Variants in NUP107 observed in about 807,000 individuals in gnomAD.
The protein encoded by NUP107 is nuclear pore complex protein Nup107.
A neutral mutation model predicts 141.0 loss-of-function variants in NUP107; 101 were observed. The observed-to-expected ratio is 0.72, with a 90% confidence interval of 0.61 to 0.84. The LOEUF (loss-of-function observed/expected upper bound fraction) is 0.84, where lower values mean the gene tolerates loss of function less well. NUP107 is among the 40% of genes least tolerant of loss of function. The pLI is 0.00. For missense variants in NUP107, 941 were observed against 1,102.7 expected (o/e 0.85, Z 2.08); for synonymous variants, 319 against 363.9 (o/e 0.88, Z 1.41).
At chr12:68,721,717 A>T (rs1034483234) in intron 15 of NUP107, 124 bp from the exon 16 acceptor site, 5 of 959,246 alleles carry the variant, frequency 5.2e-6, no homozygotes, top group African/African-American at 1.6e-5. Context: ...TAATTTTTTT[A>T]AAATCTGCCG....
At position 68,738,967 on chromosome 12, in the gene NUP107, C is replaced by CTT. The variant is rs147874650; in HGVS notation, c.2503-2837_2503-2836dup. 2.8e-4 allele frequency among the ~76,000 whole-genome samples: 42 copies of CTT among 149,800 alleles called. 1 individual carries two copies. Among genetic ancestry groups the CTT allele is most frequent in the Admixed American group, 2.2e-3 (33 of 14,982 alleles). On this transcript the variant is annotated intron_variant, in intron 26 of 27. Coordinates refer to ENST00000229179, the MANE Select transcript of NUP107 (RefSeq NM_020401.4). ...AGAGTATACATACTTTTGTTTTGTT[C>CTT]TTTTTTTTTTAAACTAACCCCCTAA...
intron 8 of NUP107, chr12:68,706,589 G>A (rs1876592619): frequency 1.4e-6 from 1 of 692,256 alleles, no homozygotes; most frequent in East Asian, 2.7e-5. Flanking sequence ...TCCAGGATGA[G>A]ATTGAGGGCC....
chr12:68,712,630 G>T lies in NUP107; in HGVS notation c.891-1100G>T, dbSNP rs373518771. ...TTTCAGAAAATAAGTTTTTTTTTTT[G>T]TTTTTTGTTTTTTGTTTTTTTTTTT... On this transcript the variant is annotated intron_variant, in intron 10 of 27. Transcript: ENST00000229179. Among the ~76,000 whole-genome samples the T allele has an allele frequency of 5.1e-3, 713 of 139,472 alleles. 4 individuals carry two copies. The highest frequency in any genetic ancestry group is 7.3e-3 in the Non-Finnish European group (467 of 63,918). 91.5% of individuals were successfully genotyped at this position (139,472 alleles called of 152,430 possible). A position where few individuals can be genotyped will look rare whatever the true frequency, so the allele number is the denominator to read the frequency against.
At chr12:68,731,520 C>A (rs1877826799) in intron 21 of NUP107, 87 bp from the exon 22 acceptor site, 2 of 709,390 alleles carry the variant, frequency 2.8e-6, no homozygotes, top group Non-Finnish European at 4.3e-6. Flanking sequence ...ATTACTGTTC[C>A]AAATTTACTG....
rs2136049072 is a variant in NUP107 at position 68,735,356 on chromosome 12, G to A, written c.2502+12G>A. 1 of 1,598,212 alleles carries A rather than the reference G, an allele frequency of 6.3e-7. No homozygotes were observed. The highest frequency in any genetic ancestry group is 1.3e-5 in the African/African-American group (1 of 74,658). ...TGGATGTTAGAGAGGTAAGCTGTGT[G>A]CATTGTTTATAGCCAAAAACCAAAA... is the stretch of plus-strand genomic sequence containing the variant. On this transcript the variant is annotated intron_variant, in intron 26 of 27. Transcript: ENST00000229179.
At chr12:68,730,634 C>G (rs1877781266) in intron 20 of NUP107, among the ~76,000 whole-genome samples, 1 of 152,186 alleles carries the variant, frequency 6.6e-6, no homozygotes, top group Admixed American at 6.5e-5. Context: ...CAAACCTGTG[C>G]AGTTTAAGAG....
intron 12 of NUP107, among the ~76,000 whole-genome samples, chr12:68,716,241 C>T (rs57966403): frequency 0.3 from 34,881 of 116,238 alleles, 6,601 homozygotes; most frequent in Middle Eastern, 0.38. Context: ...TTCTTTCTTT[C>T]TTTCTTTTTT....
chr12:68,720,990 C>T lies in NUP107; in HGVS notation c.1252-128C>T, dbSNP rs886873368. The T allele has an allele frequency of 1.3e-5, 7 of 526,224 alleles. No homozygotes were observed. The East Asian group carries it at 2.2e-4, about 17-fold the overall frequency. The allele number at this position is 526,224 out of a possible 1,614,324, so 32.6% of individuals were successfully genotyped here. On this transcript the variant is annotated intron_variant, in intron 14 of 27. Coordinates refer to ENST00000229179, the MANE Select transcript of NUP107 (RefSeq NM_020401.4). ...TGTTATTACCCCACTAGATCTTTCACTAAAGTTTAAAAACTATCAAGTGAA... is the reference window on the plus strand; with the variant it reads ...TGTTATTACCCCACTAGATCTTTCATTAAAGTTTAAAAACTATCAAGTGAA...
intron 6 of NUP107, among the ~76,000 whole-genome samples, chr12:68,699,747 A>G (rs1453044805): frequency 6.6e-6 from 1 of 152,190 alleles, no homozygotes; most frequent in Non-Finnish European, 1.5e-5. Flanking sequence ...TCTTGACAAG[A>G]TAATGAGGTA....
intron 17 of NUP107, among the ~76,000 whole-genome samples, chr12:68,724,305 T>C (rs796468849): frequency 2.2e-4 from 34 of 152,164 alleles, no homozygotes; most frequent in African/African-American, 7.7e-4. Context: ...TATAGAATCT[T>C]ACTGAAGGAC....
intron 20 of NUP107, among the ~76,000 whole-genome samples, chr12:68,727,911 C>T (rs1877632892): frequency 2.0e-5 from 3 of 152,086 alleles, no homozygotes; most frequent in Non-Finnish European, 1.5e-5. Context: ...CTGCACAGTT[C>T]AATCCCGTGT....
Position 68,689,523 on chromosome 12 carries a change from C to A in NUP107, c.101-10C>A. On this transcript the variant is annotated splice_polypyrimidine_tract_variant and intron_variant, in intron 2 of 27. Transcript: ENST00000229179. ...TCTACATGGAAAACTTTTCTTAACTCGTTGTACAGTTCAGGCATCTCAAGA... is the reference window on the plus strand; with the variant it reads ...TCTACATGGAAAACTTTTCTTAACTAGTTGTACAGTTCAGGCATCTCAAGA... 1.3e-6 allele frequency: 2 copies of A among 1,552,874 alleles called. No individual in the cohort carries two copies. The highest frequency in any genetic ancestry group is 1.7e-4 in the Middle Eastern group (1 of 5,888).
chr12:68,744,717 G>A lies in NUP107; in HGVS notation c.*2255G>A, dbSNP rs1446887341. ...TCCTTTGAGTCCTTAGGGAGTCAAT[G>A]TGTGTGTTGCTGCTTATTTAAATAC... is the stretch of plus-strand genomic sequence containing the variant. On this transcript the variant is annotated 3_prime_UTR_variant, in exon 28 of 28. Coordinates refer to ENST00000229179, the MANE Select transcript of NUP107 (RefSeq NM_020401.4). 1 of 152,214 alleles carries A rather than the reference G, an allele frequency of 6.6e-6. No homozygotes were observed. Among genetic ancestry groups the A allele is most frequent in the East Asian group, 1.9e-4 (1 of 5,190 alleles). The allele number at this position is 152,214 out of a possible 1,614,324, so 9.4% of individuals were successfully genotyped here. A position where few individuals can be genotyped will look rare whatever the true frequency, so the allele number is the denominator to read the frequency against.
At chr12:68,691,239 T>C (rs2135996636) in intron 4 of NUP107, among the ~76,000 whole-genome samples, 1 of 152,280 alleles carries the variant, frequency 6.6e-6, no homozygotes, top group Admixed American at 6.5e-5. Flanking sequence ...CCAGCAACCT[T>C]TAGATGAAAA....
chr12:68,731,886 TACTTATAGTA>T (rs1877847484), intron 22 of NUP107, among the ~76,000 whole-genome samples, 167 bp downstream of exon 22: 1 of 152,222 alleles, frequency 6.6e-6, no homozygotes. Context: ...TGTAAAGGAT[TACTTATAGTA>T]GTATGTTAAA....
intron 6 of NUP107, among the ~76,000 whole-genome samples, chr12:68,697,215 C>T (rs1436072172): frequency 6.6e-6 from 1 of 152,052 alleles, no homozygotes; most frequent in Non-Finnish European, 1.5e-5. Context: ...ATCACTTAAA[C>T]CCAGCAGTTC....
rs1878414443 is a variant in NUP107, at chr12:68,743,858, TTTTC to T, written c.*1400_*1403del. The T allele has an allele frequency of 6.6e-6, 1 of 152,194 alleles. No homozygotes were observed. Among genetic ancestry groups the T allele is most frequent in the African/African-American group, 2.4e-5 (1 of 41,410 alleles). 9.4% of individuals were successfully genotyped at this position (152,194 alleles called of 1,614,324 possible). ...CTAAAGAATTCATCTTGTCTTCCTG[TTTTC>T]TTTATTCTTACTAATATGCAAATGA... On this transcript the variant is annotated 3_prime_UTR_variant, in exon 28 of 28. Coordinates refer to ENST00000229179, the MANE Select transcript of NUP107 (RefSeq NM_020401.4).
intron 26 of NUP107, among the ~76,000 whole-genome samples, chr12:68,737,105 T>C (rs181433338): frequency 9.1e-4 from 138 of 152,366 alleles, no homozygotes; most frequent in Non-Finnish European, 1.4e-3. Flanking sequence ...TGATTCATGC[T>C]GATTCTCTTG....
chr12:68,734,518 T>G (rs1197171529), intron 24 of NUP107, among the ~76,000 whole-genome samples, 190 bp from the exon 25 acceptor site: 1 of 152,216 alleles, frequency 6.6e-6, no homozygotes, highest in Middle Eastern at 3.2e-3. Flanking sequence ...TATATATACC[T>G]TGTTTGTCAC....
Sources: allele counts gnomAD v4.1 joint callset (sites outside exome capture counted in the v4.1 genomes callset), GRCh38; gene constraint gnomAD v4.1.1; transcripts MANE v1.5; gene names NCBI Gene and HGNC (gene_info 2026-07-23, HGNC 2026-07-21).